Variants in ELF1 observed in about 807,000 individuals in gnomAD.
The protein encoded by ELF1 is ETS-related transcription factor Elf-1.
Under a neutral mutation model 59.9 loss-of-function variants are expected in ELF1, and 24 were observed. The ratio of observed to expected loss-of-function variants is 0.40; its 90% CI spans 0.29 to 0.56. ELF1 has a LOEUF of 0.56. ELF1 is among the 20% of genes least tolerant of loss of function. The pLI is 0.44. For missense variants in ELF1, 627 were observed against 742.2 expected, an observed-to-expected ratio of 0.84 and a Z score of 1.80; for synonymous variants, 248 against 266.2, an observed-to-expected ratio of 0.93 and a Z score of 0.67.
chr13:41,000,811 A>G (rs1357823221), intron 1 of ELF1, among the ~76,000 whole-genome samples: 1 of 152,064 alleles, frequency 6.6e-6, no homozygotes, highest in African/African-American at 2.4e-5. Context: ...ATAACTACTG[A>G]TATCTCTGCA....
chr13:40,991,462 A>G (rs1461965675), intron 1 of ELF1, among the ~76,000 whole-genome samples: 1 of 152,060 alleles, frequency 6.6e-6, no homozygotes, highest in Non-Finnish European at 1.5e-5. Context: ...TTTTTCTTAG[A>G]GTCAGGGTCT....
At chr13:40,971,748 A>G (rs1036350274) in intron 2 of ELF1, among the ~76,000 whole-genome samples, 1 of 152,216 alleles carries the variant, frequency 6.6e-6, no homozygotes, top group Non-Finnish European at 1.5e-5. Flanking sequence ...GGCTTTCTTT[A>G]GTCTTTGCCT....
chr13:40,948,890 A>G (rs1274602949), intron 5 of ELF1, among the ~76,000 whole-genome samples: 1 of 152,240 alleles, frequency 6.6e-6, no homozygotes, highest in African/African-American at 2.4e-5. Flanking sequence ...CCCAAGGACA[A>G]AAGGGTTTAG....
At chr13:40,981,424 A>G (rs1873264191) in intron 2 of ELF1, among the ~76,000 whole-genome samples, 1 of 152,096 alleles carries the variant, frequency 6.6e-6, no homozygotes, top group Non-Finnish European at 1.5e-5. Flanking sequence ...TATGTACTGA[A>G]AACAGTAATT....
At chr13:41,061,275 GA>G in exon 1 of ELF1, 1 of 305,516 alleles carries the variant, frequency 3.3e-6, no homozygotes, top group Non-Finnish European at 6.3e-6. Context: ...AGCGAGCCTA[GA>G]AGGAGGATGG....
At chr13:41,050,939 G>A (rs1877063502) in intron 1 of ELF1, among the ~76,000 whole-genome samples, 1 of 152,158 alleles carries the variant, frequency 6.6e-6, no homozygotes, top group African/African-American at 2.4e-5. Context: ...TTGTACAAGA[G>A]TTTCAGTTTC....
intron 1 of ELF1, among the ~76,000 whole-genome samples, chr13:41,017,709 T>C (rs1449587528): frequency 7.9e-5 from 12 of 152,066 alleles, no homozygotes; most frequent in African/African-American, 2.9e-4. Context: ...ATTCCTCTAC[T>C]TCTCTTTAAT....
At chr13:41,026,922 A>C (rs1165863696) in intron 1 of ELF1, among the ~76,000 whole-genome samples, 1 of 152,216 alleles carries the variant, frequency 6.6e-6, no homozygotes, top group East Asian at 1.9e-4. Flanking sequence ...AATATTCTAC[A>C]ATCAGCTGAC....
rs151034333 is a variant in ELF1, at chr13:40,941,085, T to A, written c.1092A>T (p.Pro364=). The change falls in exon 8 of 9, where the codon CCA becomes CCT. Residue 364 remains proline, a synonymous_variant. Transcript: ENST00000239882. ...GCTGCACTGTCCTCAAAACTTCTGATGGTTGTGCAACTTCCACAGGATCTT... is the reference window on the plus strand; with the variant it reads ...GCTGCACTGTCCTCAAAACTTCTGAAGGTTGTGCAACTTCCACAGGATCTT... ...KPKDPVEVAQ[P]SEVLRTVQPT... 8.3e-3 allele frequency: 13,393 copies of A among 1,614,202 alleles called. 93 individuals carry two copies. The highest frequency in any genetic ancestry group is 0.014 in the South Asian group (1,312 of 91,080).
At chr13:40,998,561 T>C (rs940747295) in intron 1 of ELF1, among the ~76,000 whole-genome samples, 1 of 152,236 alleles carries the variant, frequency 6.6e-6, no homozygotes, top group Non-Finnish European at 1.5e-5. Flanking sequence ...TATGCCTGTA[T>C]GTGGTATTTA....
intron 1 of ELF1, among the ~76,000 whole-genome samples, chr13:41,042,109 G>A (rs180931536): frequency 6.6e-6 from 1 of 152,158 alleles, no homozygotes; most frequent in Non-Finnish European, 1.5e-5. Context: ...TGCAACCTCT[G>A]CCTCCCAGGT....
intron 1 of ELF1, among the ~76,000 whole-genome samples, chr13:41,001,069 C>A (rs183250093): frequency 7.3e-6 from 1 of 137,464 alleles, no homozygotes; most frequent in Admixed American, 7.3e-5. Flanking sequence ...CTCCACCTCC[C>A]GGGTTCAAGC....
chr13:40,962,995 C>T lies in ELF1; in HGVS notation c.73-3979G>A, dbSNP rs9562256. Among the ~76,000 whole-genome samples, 397 of 152,354 alleles carry T rather than the reference C, an allele frequency of 2.6e-3. 6 individuals are homozygous for T. In the East Asian group the frequency reaches 0.05, roughly 19 times the overall value. On this transcript the variant is annotated intron_variant, in intron 2 of 8. Transcript: ENST00000239882. ...GGGAGAGTAGCATGCACTGTGGCCA[C>T]ATAGCTGCTGCCATTGCTATTAACC...
At chr13:41,039,664 A>G (rs1735100221) in intron 1 of ELF1, among the ~76,000 whole-genome samples, 1 of 152,184 alleles carries the variant, frequency 6.6e-6, no homozygotes, top group African/African-American at 2.4e-5. Context: ...TTTATCTCAA[A>G]AGAAAAAAAC....
intron 1 of ELF1, among the ~76,000 whole-genome samples, chr13:41,015,843 G>A (rs1370193958): frequency 6.6e-6 from 1 of 152,148 alleles, no homozygotes; most frequent in African/African-American, 2.4e-5. Context: ...GCAAAAAAGA[G>A]TAGCCAAAGG....
chr13:40,963,175 A>C (rs1871952079), intron 2 of ELF1, among the ~76,000 whole-genome samples: 2 of 152,172 alleles, frequency 1.3e-5, no homozygotes, highest in Admixed American at 1.3e-4. Context: ...CAAGTCATAA[A>C]CCTAACTTGA....
At chr13:40,952,716 T>A (rs1475752458) in intron 3 of ELF1, among the ~76,000 whole-genome samples, 3 of 151,986 alleles carry the variant, frequency 2.0e-5, no homozygotes, top group Non-Finnish European at 2.9e-5. Context: ...ATTATGAAAA[T>A]TTTAAACAAA....
chr13:41,054,036 CAT>C lies in ELF1; in HGVS notation c.-229+6800_-229+6801del, dbSNP rs1207374000. On this transcript the variant is annotated intron_variant, in intron 1 of 1. Coordinates refer to the ELF1 transcript ENST00000405737. ...AAAATATAACTCTCAAGGATAATAC[CAT>C]ATGTCTTATAAAATGGGATGAAAAA... Among the ~76,000 whole-genome samples the C allele has an allele frequency of 3.3e-5, 5 of 151,904 alleles. No individual in the cohort carries two copies. In the East Asian group the frequency reaches 9.6e-4, roughly 29 times the overall value.
intron 5 of ELF1, among the ~76,000 whole-genome samples, chr13:40,947,222 A>C (rs1172700991): frequency 6.6e-6 from 1 of 152,134 alleles, no homozygotes; most frequent in Non-Finnish European, 1.5e-5. Flanking sequence ...CTGACTGGGT[A>C]AACAAATACT....
Sources: gnomAD v4.1 joint callset for allele counts (sites outside exome capture counted in the v4.1 genomes callset) on GRCh38, gnomAD v4.1.1 for gene constraint, MANE v1.5 for transcripts, NCBI Gene and HGNC (gene_info 2026-07-23, HGNC 2026-07-21) for gene names.